TCERG1: variants seen among roughly 807,000 people sequenced by gnomAD.
The protein encoded by TCERG1 is TATA box binding protein (TBP)-associated factor, RNA polymerase II, S, 150kD.
TCERG1 carries 37 observed loss-of-function variants against 144.7 expected under a neutral mutation model. That is an observed-to-expected ratio of 0.26 (90% CI 0.20 to 0.34). The LOEUF is 0.34. Among genes scored for constraint, TCERG1 ranks in the 10% least tolerant of loss-of-function variants. The pLI is 1.00. For synonymous variants in TCERG1, 492 were observed against 458.2 expected, an observed-to-expected ratio of 1.07 and a Z score of -0.94; for missense variants, 1,027 against 1,380.7, an observed-to-expected ratio of 0.74 and a Z score of 4.06.
chr5:146,447,648 C>T (rs1248897741), intron 1 of TCERG1, among the ~76,000 whole-genome samples: 3 of 152,230 alleles, frequency 2.0e-5, no homozygotes, highest in Non-Finnish European at 2.9e-5. Flanking sequence ...CTTGGGGCCT[C>T]GCCGCCTCTC....
intron 19 of TCERG1, chr5:146,504,211 T>C: frequency 2.4e-6 from 1 of 413,080 alleles, no homozygotes; most frequent in East Asian, 3.8e-5. Context: ...AAGTTAGGCA[T>C]TTTGCATATA....
At chr5:146,459,843 TCAGG>T (rs1284058098) in intron 4 of TCERG1, among the ~76,000 whole-genome samples, 4 of 152,198 alleles carry the variant, frequency 2.6e-5, no homozygotes, top group Non-Finnish European at 4.4e-5. Context: ...GAAAGGATTT[TCAGG>T]TAGGAGAAGC....
At chr5:146,490,894 A>G (rs1320112999) in intron 15 of TCERG1, among the ~76,000 whole-genome samples, 1 of 151,620 alleles carries the variant, frequency 6.6e-6, no homozygotes, top group African/African-American at 2.4e-5. Context: ...TAGATTTTTA[A>G]AATTTATTGT....
At chr5:146,483,478 A>C in intron 14 of TCERG1, 62 bp from the exon 15 acceptor site, 1 of 1,467,104 alleles carries the variant, frequency 6.8e-7, no homozygotes, top group South Asian at 1.2e-5. Flanking sequence ...TTCAAGCAAA[A>C]TTATGACCTT....
At position 146,506,061 on chromosome 5, in the gene TCERG1, G is replaced by A. The variant is rs145778888; in HGVS notation, c.2782-967G>A. Reference sequence around the variant, plus strand: ...GCTGGGATTACAGGCATGAGCCACCGCACCCGGCCTTTTTATCCTTTTTTT... The same window carrying A: ...GCTGGGATTACAGGCATGAGCCACCACACCCGGCCTTTTTATCCTTTTTTT... On this transcript the variant is annotated intron_variant, in intron 19 of 22. Coordinates refer to ENST00000679501, the MANE Select transcript of TCERG1 (RefSeq NM_001382548.1). Among the ~76,000 whole-genome samples the A allele has an allele frequency of 7.6e-3, 1,157 of 152,272 alleles. 36 individuals are homozygous for A. Among genetic ancestry groups the A allele is most frequent in the East Asian group, 0.073 (375 of 5,172 alleles).
chr5:146,483,761 A>G (rs1441540543), intron 15 of TCERG1, 132 bp downstream of exon 15: 25 of 653,982 alleles, frequency 3.8e-5, no homozygotes, highest in Non-Finnish European at 6.0e-5. Flanking sequence ...ATCTTAGAAC[A>G]TATTATGTGT....
chr5:146,476,223 C>G (rs1764827136), intron 9 of TCERG1, among the ~76,000 whole-genome samples: 1 of 152,160 alleles, frequency 6.6e-6, no homozygotes, highest in African/African-American at 2.4e-5. Context: ...TATACACATT[C>G]AAAGATACAG....
chr5:146,459,944 G>T (rs957287320), intron 4 of TCERG1, among the ~76,000 whole-genome samples: 1 of 152,078 alleles, frequency 6.6e-6, no homozygotes, highest in African/African-American at 2.4e-5. Context: ...TTTTTGAAGG[G>T]TCTTAAGAAC....
In TCERG1 at chr5:146,470,651, A is replaced by G. The variant is rs762212304; in HGVS notation, c.1415A>G (p.Lys472Arg). ...TTTTTCATAGAAAAGTTAGAAGAGAAGATTAAAGAGCCAATTAAAGAACCC... is the reference window on the plus strand; with the variant it reads ...TTTTTCATAGAAAAGTTAGAAGAGAGGATTAAAGAGCCAATTAAAGAACCC... ...ELKEKEKLEE[K>R]IKEPIKEPSE... Residue 472 changes from lysine (K) to arginine (R), a missense_variant, in exon 8 of 23, where the codon AAG (lysine) becomes AGG (arginine). By Grantham distance (26) the Lys-to-Arg change is conservative. Around this residue, in one of 6 missense-constraint regions of TCERG1, gnomAD observed 482 missense variants for 632.6 expected, o/e 0.76. Coordinates refer to ENST00000679501, the MANE Select transcript of TCERG1 (RefSeq NM_001382548.1). 22 of 1,603,262 alleles carry G rather than the reference A, an allele frequency of 1.4e-5. No individual in the cohort carries two copies. The highest frequency in any genetic ancestry group is 1.9e-5 in the Non-Finnish European group (22 of 1,177,522).
chr5:146,488,356 C>T (rs1221877465), intron 15 of TCERG1, among the ~76,000 whole-genome samples: 1 of 151,914 alleles, frequency 6.6e-6, no homozygotes, highest in Non-Finnish European at 1.5e-5. Context: ...ATTAAATGTC[C>T]AAAATGTACA....
intron 14 of TCERG1, 78 bp from the exon 15 acceptor site, chr5:146,483,462 G>A: frequency 7.8e-7 from 1 of 1,280,342 alleles, no homozygotes; most frequent in Non-Finnish European, 1.1e-6. Flanking sequence ...CAGATATCCT[G>A]TAGATTTCAA....
intron 1 of TCERG1, among the ~76,000 whole-genome samples, chr5:146,449,060 A>C (rs991930321): frequency 1.1e-4 from 17 of 152,244 alleles, no homozygotes; most frequent in African/African-American, 3.9e-4. Flanking sequence ...AGTTGCTTGC[A>C]GAGCATACTG....
At chr5:146,479,289 T>C (rs1765127100) in intron 10 of TCERG1, among the ~76,000 whole-genome samples, 1 of 152,132 alleles carries the variant, frequency 6.6e-6, no homozygotes, top group African/African-American at 2.4e-5. Context: ...AAATGAATTA[T>C]TTAATGCTTC....
At chr5:146,455,395 G>A (rs952197793) in intron 2 of TCERG1, 114 bp downstream of exon 2, 5 of 1,188,182 alleles carry the variant, frequency 4.2e-6, no homozygotes, top group Non-Finnish European at 5.8e-6. Context: ...GAAAATGGGA[G>A]CTAAAGAGAA....
intron 15 of TCERG1, among the ~76,000 whole-genome samples, chr5:146,489,696 A>C (rs1766212941): frequency 2.0e-5 from 3 of 152,330 alleles, no homozygotes; most frequent in Middle Eastern, 6.8e-3. Flanking sequence ...TGAAGGCTTA[A>C]AGGGTATAGC....
intron 9 of TCERG1, among the ~76,000 whole-genome samples, chr5:146,473,873 A>G (rs1402473691): frequency 6.6e-6 from 1 of 152,210 alleles, no homozygotes; most frequent in Non-Finnish European, 1.5e-5. Flanking sequence ...TGTGATGGAA[A>G]TGTACAAGGA....
intron 1 of TCERG1, among the ~76,000 whole-genome samples, chr5:146,454,707 C>T (rs566676803): frequency 1.3e-5 from 2 of 152,192 alleles, no homozygotes; most frequent in Non-Finnish European, 2.9e-5. Context: ...AAGTGATTCT[C>T]CTGCCTCAGC....
At chr5:146,487,731 C>CAAA (rs60367472) in intron 15 of TCERG1, among the ~76,000 whole-genome samples, 35 of 108,072 alleles carry the variant, frequency 3.2e-4, no homozygotes, top group African/African-American at 9.8e-4. Context: ...GACCCTGTTT[C>CAAA]AAAAAAAAAA....
intron 17 of TCERG1, among the ~76,000 whole-genome samples, chr5:146,500,502 G>C (rs981057189): frequency 6.6e-6 from 1 of 152,152 alleles, no homozygotes; most frequent in African/African-American, 2.4e-5. Flanking sequence ...TAATTCTCCA[G>C]CTGGTCTTTG....
Sources: gnomAD v4.1 joint callset for allele counts (sites outside exome capture counted in the v4.1 genomes callset) on GRCh38, gnomAD v4.1.1 for gene constraint, gnomAD v4.1.1 regional missense constraint, MANE v1.5 for transcripts, NCBI Gene and HGNC (gene_info 2026-07-23, HGNC 2026-07-21) for gene names.